RERGL: variants seen among roughly 807,000 people sequenced by gnomAD.
The protein encoded by RERGL is RERG like.
Under a neutral mutation model 24.7 loss-of-function variants are expected in RERGL, and 22 were observed. The ratio of observed to expected loss-of-function variants is 0.89; its 90% CI spans 0.64 to 1.27. RERGL has a LOEUF of 1.27. Ranked by LOEUF, RERGL falls within the 50% of genes most tolerant of loss-of-function variation. The probability of loss-of-function intolerance (pLI) is 0.00; values close to 1 mark genes in which losing one functional copy is unlikely to be tolerated. For missense variants in RERGL, 259 were observed against 235.3 expected, an observed-to-expected ratio of 1.10 and a Z score of -0.66; for synonymous variants, 76 against 82.6, an observed-to-expected ratio of 0.92 and a Z score of 0.43.
rs189822693 is a variant in RERGL at position 18,085,491 on chromosome 12, G to C, written c.183+129C>G. 6.0e-3 allele frequency: 3,757 copies of C among 625,582 alleles called. 21 individuals are homozygous for C. The highest frequency in any genetic ancestry group is 8.2e-3 in the Middle Eastern group (19 of 2,310). 38.8% of individuals were successfully genotyped at this position (625,582 alleles called of 1,614,324 possible). On this transcript the variant is annotated intron_variant, in intron 3 of 4. Coordinates refer to ENST00000538724, the MANE Select transcript of RERGL (RefSeq NM_001286201.2). ...CTTAAATTTTTGATAATTAAAATGA[G>C]AAGAAACTTCGGTTTTAACACCGCA... is the stretch of plus-strand genomic sequence containing the variant.
In RERGL at chr12:18,081,111, T is replaced by C; in HGVS notation, c.*80A>G. On this transcript the variant is annotated 3_prime_UTR_variant, in exon 5 of 5. Transcript: ENST00000538724. ...AGAATTCTTTTTACCAAAAAAAAAT[T>C]GCATACAAAGGTTAGTTTAATTATC... is the stretch of plus-strand genomic sequence containing the variant. 1.5e-6 allele frequency: 2 copies of C among 1,298,740 alleles called. No individual in the cohort carries two copies. Among genetic ancestry groups the C allele is most frequent in the Non-Finnish European group, 2.1e-6 (2 of 953,890 alleles). 80.5% of individuals were successfully genotyped at this position (1,298,740 alleles called of 1,614,324 possible).
intron 4 of RERGL, among the ~76,000 whole-genome samples, chr12:18,084,000 G>T (rs1947195770): frequency 6.6e-6 from 1 of 152,022 alleles, no homozygotes. Context: ...TTAAGAAAAA[G>T]GAATTGTTGA....
chr12:18,089,450 T>A (rs538770806), intron 1 of RERGL: 2 of 1,165,788 alleles, frequency 1.7e-6, no homozygotes, highest in Non-Finnish European at 1.1e-6. Context: ...GCTCCTGGGT[T>A]TGGCCAGTTA....
chr12:18,087,721 T>C (rs1947233228), intron 2 of RERGL, among the ~76,000 whole-genome samples: 1 of 152,202 alleles, frequency 6.6e-6, no homozygotes. Flanking sequence ...GGGCTTTTGT[T>C]GTTATTTGGA....
intron 4 of RERGL, among the ~76,000 whole-genome samples, chr12:18,083,278 A>G (rs1169385339): frequency 6.6e-6 from 1 of 152,140 alleles, no homozygotes; most frequent in Non-Finnish European, 1.5e-5. Flanking sequence ...TCAAAGGATT[A>G]TCTAGTCAAT....
chr12:18,082,499 A>G (rs562497411), intron 4 of RERGL, among the ~76,000 whole-genome samples: 3 of 152,284 alleles, frequency 2.0e-5, no homozygotes, highest in African/African-American at 7.2e-5. Context: ...AGTTTTAAAA[A>G]TGGTAAAATA....
At position 18,085,718 on chromosome 12, in the gene RERGL, T is replaced by G. The variant is rs572777152; in HGVS notation, c.110-25A>C. 9 of 1,366,712 alleles carry G rather than the reference T, an allele frequency of 6.6e-6. No individual in the cohort carries two copies. The South Asian group carries it at 1.1e-4, about 17-fold the overall frequency. 84.7% of individuals were successfully genotyped at this position (1,366,712 alleles called of 1,614,324 possible). ...TCTGCAAAAATATGCATATCCACTG[T>G]CAGTATGAAAATACTCCAAACGTGA... On this transcript the variant is annotated intron_variant, in intron 2 of 4. Coordinates refer to ENST00000538724, the MANE Select transcript of RERGL (RefSeq NM_001286201.2).
intron 4 of RERGL, among the ~76,000 whole-genome samples, chr12:18,084,208 G>T (rs890002526): frequency 9.9e-5 from 15 of 152,154 alleles, no homozygotes; most frequent in South Asian, 4.1e-4. Context: ...AAAAGAAAAG[G>T]TTGGAAAGAT....
At chr12:18,088,116 A>G (rs1947237007) in intron 2 of RERGL, among the ~76,000 whole-genome samples, 1 of 152,078 alleles carries the variant, frequency 6.6e-6, no homozygotes. Flanking sequence ...ATCAACAAAA[A>G]CATTCTCCTT....
chr12:18,084,046 T>C (rs1947196560), intron 4 of RERGL, among the ~76,000 whole-genome samples: 1 of 152,170 alleles, frequency 6.6e-6, no homozygotes, highest in Non-Finnish European at 1.5e-5. Context: ...GAAAAATGTA[T>C]TCTCATATTT....
In RERGL at chr12:18,084,642, G is replaced by C. The variant is rs768928756; in HGVS notation, c.207C>G (p.Leu69=). ...CSQTQKAKFS[L]TSELHWADGF... ...CATCTGCCCAGTGAAGCTCACTTGTGAGGGAGAATTTTGCTTTCTGTGTCT... is the reference window on the plus strand; with the variant it reads ...CATCTGCCCAGTGAAGCTCACTTGTCAGGGAGAATTTTGCTTTCTGTGTCT... The change falls in exon 4 of 5, where the codon CTC becomes CTG. Residue 69 remains leucine, a synonymous_variant. Transcript: ENST00000538724. 5 of 1,609,882 alleles carry C rather than the reference G, an allele frequency of 3.1e-6. No homozygotes were observed. The African/African-American group carries it at 6.7e-5, about 22-fold the overall frequency.
intron 2 of RERGL, among the ~76,000 whole-genome samples, chr12:18,087,557 A>G (rs1339834407): frequency 2.0e-5 from 3 of 152,126 alleles, no homozygotes; most frequent in South Asian, 2.1e-4. Context: ...CATTTTTGCT[A>G]GTTTGCCCTC....
At chr12:18,086,143 G>A (rs866492039) in intron 2 of RERGL, among the ~76,000 whole-genome samples, 2 of 150,622 alleles carry the variant, frequency 1.3e-5, no homozygotes, top group South Asian at 2.1e-4. Flanking sequence ...AAAGTGCTGG[G>A]ACTACAGGCG....
At chr12:18,082,150 A>AT (rs1947180020) in intron 4 of RERGL, among the ~76,000 whole-genome samples, 3 of 149,530 alleles carry the variant, frequency 2.0e-5, no homozygotes, top group Non-Finnish European at 4.5e-5. Context: ...AACCAAAAAA[A>AT]AAAAAAAAAG....
chr12:18,089,330 T>C (rs761582562), intron 1 of RERGL: 1 of 1,535,872 alleles, frequency 6.5e-7, no homozygotes, highest in South Asian at 1.2e-5. Flanking sequence ...AGGTACTATG[T>C]GTAATAGTCA....
chr12:18,085,071 G>A (rs6486882), intron 3 of RERGL, among the ~76,000 whole-genome samples: 64,221 of 151,792 alleles, frequency 0.42, 13,671 homozygotes, highest in East Asian at 0.6. Context: ...AATATTATAA[G>A]GGTTTAGCTA....
chr12:18,089,080 A>T lies in RERGL; in HGVS notation c.53-124T>A, dbSNP rs1173333232. 3 of 1,147,244 alleles carry T rather than the reference A, an allele frequency of 2.6e-6. No homozygotes were observed. In the African/African-American group the frequency reaches 4.7e-5, roughly 18 times the overall value. The allele number at this position is 1,147,244 out of a possible 1,614,324, so 71.1% of individuals were successfully genotyped here. A position where few individuals can be genotyped will look rare whatever the true frequency, so the allele number is the denominator to read the frequency against. On this transcript the variant is annotated intron_variant, in intron 1 of 4. Transcript: ENST00000538724. ...AAGAATTAATAAAGACTTTAAAATT[A>T]GACCAAATTCTGTTCTAAATAGTAG...
chr12:18,085,539 C>A (rs1565486650), intron 3 of RERGL, 81 bp downstream of exon 3: 6 of 908,636 alleles, frequency 6.6e-6, no homozygotes, highest in Non-Finnish European at 1.0e-5. Context: ...TTTCACTTAC[C>A]CCCATATAAT....
chr12:18,089,051 A>G, intron 1 of RERGL, 95 bp from the exon 2 acceptor site: 2 of 1,190,578 alleles, frequency 1.7e-6, no homozygotes, highest in East Asian at 4.7e-5. Flanking sequence ...AACCAAAAAT[A>G]TTCAAGAATT....
Sources: allele counts gnomAD v4.1 joint callset (sites outside exome capture counted in the v4.1 genomes callset), GRCh38; gene constraint gnomAD v4.1.1; transcripts MANE v1.5; gene names NCBI Gene and HGNC (gene_info 2026-07-23, HGNC 2026-07-21).